The following SLC25A21 variants were observed in gnomAD, a reference collection of about 807,000 sequenced individuals.
SLC25A21 encodes solute carrier family 25 member 21.
In SLC25A21, 47 loss-of-function variants were observed where a neutral mutation model predicts 43.8. That is an observed-to-expected ratio of 1.07 (90% CI 0.85 to 1.37). The LOEUF is 1.37. Among genes scored for constraint, SLC25A21 ranks in the 40% most tolerant of loss-of-function variants. The probability of loss-of-function intolerance (pLI) is 0.00; values close to 1 mark genes in which losing one functional copy is unlikely to be tolerated. For synonymous variants in SLC25A21, 131 were observed against 121.3 expected, an observed-to-expected ratio of 1.08 and a Z score of -0.52; for missense variants, 352 against 350.2, an observed-to-expected ratio of 1.00 and a Z score of -0.04.
At chr14:36,947,063 T>C (rs1892695402) in intron 1 of SLC25A21, among the ~76,000 whole-genome samples, 1 of 152,222 alleles carries the variant, frequency 6.6e-6, no homozygotes, top group Non-Finnish European at 1.5e-5. Flanking sequence ...AGTCATCAAC[T>C]ACTTTACTCT....
intron 1 of SLC25A21, among the ~76,000 whole-genome samples, chr14:36,977,499 G>A (rs1168306910): frequency 6.6e-6 from 1 of 152,154 alleles, no homozygotes; most frequent in Non-Finnish European, 1.5e-5. Context: ...TAATGCTGGT[G>A]GAGGCCTAGC....
chr14:37,063,872 C>A (rs955337355), intron 1 of SLC25A21, among the ~76,000 whole-genome samples: 1 of 152,162 alleles, frequency 6.6e-6, no homozygotes, highest in Non-Finnish European at 1.5e-5. Flanking sequence ...AGGCAGTAAA[C>A]CGAAATGCAA....
intron 3 of SLC25A21, among the ~76,000 whole-genome samples, chr14:36,764,036 A>AAAAGAAAG (rs759050826): frequency 0.027 from 684 of 25,678 alleles, 115 homozygotes; most frequent in Non-Finnish European, 0.03. Flanking sequence ...GAAAGAAAGA[A>AAAAGAAAG]AAAGAAAGAA....
At chr14:36,696,456 T>C (rs926872152) in intron 7 of SLC25A21, among the ~76,000 whole-genome samples, 12 of 152,192 alleles carry the variant, frequency 7.9e-5, no homozygotes, top group African/African-American at 1.2e-4. Flanking sequence ...TCTTTTTCTA[T>C]TGATTGGAAT....
intron 2 of SLC25A21, among the ~76,000 whole-genome samples, chr14:36,835,873 G>C (rs895217716): frequency 2.0e-5 from 3 of 152,136 alleles, no homozygotes; most frequent in Non-Finnish European, 4.4e-5. Flanking sequence ...CTGTGGGGTG[G>C]ACCCTCTTTC....
At chr14:37,065,652 G>A (rs1256609840) in intron 1 of SLC25A21, among the ~76,000 whole-genome samples, 1 of 152,198 alleles carries the variant, frequency 6.6e-6, no homozygotes, top group African/African-American at 2.4e-5. Context: ...AAGGAGGAAT[G>A]TCCCTGAGAA....
intron 1 of SLC25A21, among the ~76,000 whole-genome samples, chr14:37,047,242 C>A (rs1038854604): frequency 6.6e-6 from 1 of 152,124 alleles, no homozygotes; most frequent in South Asian, 2.1e-4. Flanking sequence ...GTATACTGCA[C>A]GCTGAAGGGA....
intron 1 of SLC25A21, among the ~76,000 whole-genome samples, chr14:37,027,896 A>C (rs936241560): frequency 2.6e-5 from 4 of 151,982 alleles, no homozygotes; most frequent in African/African-American, 9.7e-5. Flanking sequence ...TGCATAAAAA[A>C]CTCTAGAAAC....
At chr14:37,149,907 A>G (rs1479961298) in intron 1 of SLC25A21, among the ~76,000 whole-genome samples, 1 of 152,188 alleles carries the variant, frequency 6.6e-6, no homozygotes, top group Non-Finnish European at 1.5e-5. Flanking sequence ...TCTTGTGGTT[A>G]AAGTTTGATT....
chr14:36,842,941 T>C (rs1321484738), intron 2 of SLC25A21, among the ~76,000 whole-genome samples: 2 of 152,106 alleles, frequency 1.3e-5, no homozygotes, highest in African/African-American at 4.8e-5. Flanking sequence ...CAGGAGGGTT[T>C]CAGGATAAAA....
chr14:36,941,751 GAAGTA>G (rs1892563680), intron 1 of SLC25A21, among the ~76,000 whole-genome samples: 1 of 151,572 alleles, frequency 6.6e-6, no homozygotes, highest in Admixed American at 6.6e-5. Flanking sequence ...TTTATCTCAA[GAAGTA>G]AATTAAAAAT....
chr14:36,686,633 T>G (rs562155117), intron 7 of SLC25A21, among the ~76,000 whole-genome samples: 1 of 152,174 alleles, frequency 6.6e-6, no homozygotes, highest in Non-Finnish European at 1.5e-5. Context: ...ATGAATAGTA[T>G]TATTATGTAG....
At chr14:37,110,271 T>C (rs1199825998) in intron 1 of SLC25A21, among the ~76,000 whole-genome samples, 1 of 152,172 alleles carries the variant, frequency 6.6e-6, no homozygotes, top group Non-Finnish European at 1.5e-5. Context: ...GCCAGAAAAC[T>C]AGTCCCTTGA....
intron 2 of SLC25A21, among the ~76,000 whole-genome samples, chr14:36,836,886 G>A (rs1749943): frequency 0.64 from 97,975 of 151,982 alleles, 32,858 homozygotes; most frequent in South Asian, 0.8. Context: ...AATCAGATCA[G>A]AGGAAAAACT....
At chr14:36,791,845 T>C (rs1032575143) in intron 3 of SLC25A21, among the ~76,000 whole-genome samples, 1 of 151,840 alleles carries the variant, frequency 6.6e-6, no homozygotes, top group Non-Finnish European at 1.5e-5. Flanking sequence ...GATCCTTACC[T>C]TTGGTGGGAG....
chr14:36,717,843 G>A (rs1160830230), intron 6 of SLC25A21, among the ~76,000 whole-genome samples: 4 of 152,096 alleles, frequency 2.6e-5, no homozygotes, highest in Admixed American at 1.3e-4. Flanking sequence ...TATAAAATGT[G>A]GATAAAGCCA....
intron 2 of SLC25A21, among the ~76,000 whole-genome samples, chr14:36,851,314 C>T (rs1889728122): frequency 6.6e-6 from 1 of 152,174 alleles, no homozygotes. Flanking sequence ...GGACGGAAAC[C>T]TGCACAGCTG....
chr14:37,131,751 C>T (rs769265548), intron 1 of SLC25A21, among the ~76,000 whole-genome samples: 5 of 152,106 alleles, frequency 3.3e-5, no homozygotes, highest in African/African-American at 4.8e-5. Flanking sequence ...CACAGCTTAC[C>T]GCAGTCTCCA....
chr14:36,968,846 AG>A (rs1179954853), intron 1 of SLC25A21, among the ~76,000 whole-genome samples: 1 of 152,186 alleles, frequency 6.6e-6, no homozygotes, highest in Admixed American at 6.5e-5. Flanking sequence ...AGGCTCAGCA[AG>A]GGACTTTTAT....
Sources: allele counts gnomAD v4.1 joint callset (sites outside exome capture counted in the v4.1 genomes callset), GRCh38; gene constraint gnomAD v4.1.1; transcripts MANE v1.5; gene names NCBI Gene and HGNC (gene_info 2026-07-23, HGNC 2026-07-21).